Variants in SLC24A2 observed in about 807,000 individuals in gnomAD.
SLC24A2 encodes the protein solute carrier family 24 member 2.
A neutral mutation model predicts 62.0 loss-of-function variants in SLC24A2; 36 were observed. The ratio of observed to expected loss-of-function variants is 0.58; its 90% CI spans 0.44 to 0.77. SLC24A2 has a LOEUF of 0.77. Among genes scored for constraint, SLC24A2 ranks in the 30% least tolerant of loss-of-function variants. The pLI is 0.00. For missense variants in SLC24A2, 846 were observed against 817.9 expected (o/e 1.03, Z -0.42); for synonymous variants, 358 against 294.0 (o/e 1.22, Z -2.23).
At chr9:20,167,566 T>C in the SLC24A2 span, among the ~76,000 whole-genome samples, 2 of 152,008 alleles carry the variant, frequency 1.3e-5, no homozygotes, top group African/African-American at 2.4e-5. Context: ...ACCCAAATCT[T>C]GGTTTCTAAA....
intron 2 of SLC24A2, 141 bp downstream of exon 2, chr9:19,785,796 C>T: frequency 9.3e-7 from 1 of 1,078,932 alleles, no homozygotes; most frequent in Non-Finnish European, 1.4e-6. Flanking sequence ...GTTAGTCTAG[C>T]TATCACAGAA....
the SLC24A2 span, among the ~76,000 whole-genome samples, chr9:19,834,296 G>C: frequency 6.6e-6 from 1 of 150,874 alleles, no homozygotes; most frequent in Non-Finnish European, 1.5e-5. Context: ...GAGGAAGTTC[G>C]AACCAATGGC....
chr9:20,076,849 T>TAC, the SLC24A2 span, among the ~76,000 whole-genome samples: 65 of 48,776 alleles, frequency 1.3e-3, no homozygotes, highest in Admixed American at 2.2e-3. Context: ...GATATATATA[T>TAC]ACATATCATA....
intron 2 of SLC24A2, among the ~76,000 whole-genome samples, chr9:19,770,185 T>C (rs1419658565): frequency 1.3e-5 from 2 of 152,044 alleles, no homozygotes; most frequent in Admixed American, 1.3e-4. Flanking sequence ...CTCAAGAAGT[T>C]GCTGTATGAC....
chr9:19,572,504 G>C (rs934076429), intron 7 of SLC24A2, among the ~76,000 whole-genome samples: 1 of 152,176 alleles, frequency 6.6e-6, no homozygotes, highest in East Asian at 1.9e-4. Flanking sequence ...CTGCTTGAAA[G>C]TGTATGGCAC....
chr9:19,787,587 G>A (rs886460963), intron 1 of SLC24A2, among the ~76,000 whole-genome samples: 2 of 152,102 alleles, frequency 1.3e-5, no homozygotes. Flanking sequence ...AATGATATCA[G>A]ATCTTATTTT....
chr9:19,644,558 G>A (rs918642337), intron 2 of SLC24A2, among the ~76,000 whole-genome samples: 4 of 152,166 alleles, frequency 2.6e-5, no homozygotes, highest in Non-Finnish European at 5.9e-5. Context: ...TTGAACTCAG[G>A]CAGTCTAGAT....
At chr9:19,666,396 AC>A (rs1819254341) in intron 2 of SLC24A2, among the ~76,000 whole-genome samples, 1 of 152,204 alleles carries the variant, frequency 6.6e-6, no homozygotes, top group Non-Finnish European at 1.5e-5. Context: ...ACAAAGTGAG[AC>A]ACTGTTTTAA....
chr9:19,849,643 A>G, the SLC24A2 span, among the ~76,000 whole-genome samples: 1 of 152,214 alleles, frequency 6.6e-6, no homozygotes, highest in African/African-American at 2.4e-5. Context: ...AATAAAATTT[A>G]CTCACCAACG....
At chr9:20,153,569 G>A in the SLC24A2 span, among the ~76,000 whole-genome samples, 27 of 151,794 alleles carry the variant, frequency 1.8e-4, no homozygotes, top group Non-Finnish European at 3.1e-4. Flanking sequence ...GAAAATGAAG[G>A]GACATCATCT....
chr9:19,753,410 C>A (rs1477725059), intron 2 of SLC24A2, among the ~76,000 whole-genome samples: 4 of 152,204 alleles, frequency 2.6e-5, no homozygotes, highest in Non-Finnish European at 4.4e-5. Flanking sequence ...TCTAAGAATG[C>A]AGAAAAATAT....
At chr9:19,666,652 C>T (rs1247917368) in intron 2 of SLC24A2, among the ~76,000 whole-genome samples, 1 of 152,278 alleles carries the variant, frequency 6.6e-6, no homozygotes, top group South Asian at 2.1e-4. Flanking sequence ...TTTCCAATAA[C>T]TCATGGGAAC....
chr9:19,830,200 G>C, the SLC24A2 span, among the ~76,000 whole-genome samples: 2 of 152,050 alleles, frequency 1.3e-5, no homozygotes, highest in African/African-American at 4.8e-5. Context: ...TGAGATACTG[G>C]GTTTTATGGC....
At chr9:20,087,774 C>G in the SLC24A2 span, among the ~76,000 whole-genome samples, 1 of 151,710 alleles carries the variant, frequency 6.6e-6, no homozygotes, top group Non-Finnish European at 1.5e-5. Context: ...ACAACACCTT[C>G]AGCTGAAACA....
the SLC24A2 span, among the ~76,000 whole-genome samples, chr9:20,255,990 G>GGGTCTGGCATCTGGTGA: frequency 6.6e-6 from 1 of 152,186 alleles, no homozygotes; most frequent in Non-Finnish European, 1.5e-5. Context: ...CCAAGATCAA[G>GGGTCTGGCATCTGGTGA]GGTCTGGCAT....
the SLC24A2 span, among the ~76,000 whole-genome samples, chr9:20,210,628 A>T: frequency 1.2e-4 from 15 of 128,064 alleles, no homozygotes; most frequent in East Asian, 2.7e-4. Flanking sequence ...CGCCCGCCAC[A>T]ACGCCCGGCT....
intron 2 of SLC24A2, among the ~76,000 whole-genome samples, chr9:19,637,429 C>G (rs552452504): frequency 6.6e-6 from 1 of 152,294 alleles, no homozygotes; most frequent in East Asian, 1.9e-4. Context: ...CTAACTATTG[C>G]CCCTCTGTAG....
At chr9:19,928,335 T>A in the SLC24A2 span, 1 of 152,208 alleles carries the variant, frequency 6.6e-6, no homozygotes, top group African/African-American at 2.4e-5. Context: ...TTCTAGGAGA[T>A]TCTGAAATGA....
chr9:20,047,247 T>C, the SLC24A2 span, among the ~76,000 whole-genome samples: 1 of 152,066 alleles, frequency 6.6e-6, no homozygotes, highest in Non-Finnish European at 1.5e-5. Flanking sequence ...TAAATTCTAG[T>C]TCTGCCACTT....
Sources: gnomAD v4.1 joint callset for allele counts (sites outside exome capture counted in the v4.1 genomes callset) on GRCh38, gnomAD v4.1.1 for gene constraint, MANE v1.5 for transcripts, NCBI Gene and HGNC (gene_info 2026-07-23, HGNC 2026-07-21) for gene names.